The following MEAF6 variants were observed in gnomAD, a reference collection of about 807,000 sequenced individuals.
MEAF6 encodes the protein MYST/Esa1 associated factor 6, also known as chromatin modification-related protein MEAF6.
Under a neutral mutation model 28.9 loss-of-function variants are expected in MEAF6, and 15 were observed. The ratio of observed to expected loss-of-function variants is 0.52; its 90% CI spans 0.35 to 0.80. MEAF6 has a LOEUF of 0.80. Ranked by LOEUF, MEAF6 falls within the 30% of genes least tolerant of loss-of-function variation. The pLI, the probability that MEAF6 is intolerant of heterozygous loss-of-function variation, is 0.01. For missense variants in MEAF6, 178 were observed against 237.5 expected (o/e 0.75, Z 1.65); for synonymous variants, 97 against 88.7 (o/e 1.09, Z -0.53).
At chr1:37,497,227 G>GGTTTGTTT (rs144815094) in intron 5 of MEAF6, among the ~76,000 whole-genome samples, 105 of 151,696 alleles carry the variant, frequency 6.9e-4, no homozygotes, top group African/African-American at 2.4e-3. Flanking sequence ...AAGTTATATG[G>GGTTTGTTT]GTTTGTTTGT....
At chr1:37,509,871 G>C (rs1174681247) in intron 2 of MEAF6, among the ~76,000 whole-genome samples, 2 of 152,066 alleles carry the variant, frequency 1.3e-5, no homozygotes, top group African/African-American at 2.4e-5. Context: ...CTGCCCCTTG[G>C]GTTGAAGCGA....
At chr1:37,504,599 C>T (rs983577895) in intron 4 of MEAF6, among the ~76,000 whole-genome samples, 2 of 151,432 alleles carry the variant, frequency 1.3e-5, no homozygotes, top group East Asian at 4.0e-4. Flanking sequence ...GGTAAGACCC[C>T]ACCTCTACTA....
At chr1:37,502,555 T>C (rs1642347249) in intron 4 of MEAF6, among the ~76,000 whole-genome samples, 1 of 120,808 alleles carries the variant, frequency 8.3e-6, no homozygotes. Context: ...TGTTTTTTCT[T>C]GTTTTTTTTT....
At chr1:37,507,574 AGAAGT>A (rs1642527893) in intron 4 of MEAF6, among the ~76,000 whole-genome samples, 1 of 152,212 alleles carries the variant, frequency 6.6e-6, no homozygotes, top group African/African-American at 2.4e-5. Flanking sequence ...TGAATAAGGG[AGAAGT>A]GAAGTACCAT....
chr1:37,506,003 T>C (rs750098108), intron 4 of MEAF6, among the ~76,000 whole-genome samples: 40 of 152,204 alleles, frequency 2.6e-4, no homozygotes, highest in Non-Finnish European at 5.4e-4. Flanking sequence ...CCGGGCGCAG[T>C]GGCTCAAGCC....
chr1:37,509,265 A>C lies in MEAF6; in HGVS notation c.340+13T>G, dbSNP rs749555548. The stretch of plus-strand genomic sequence containing the variant: ...AAAATAAACTGATGAGAAACATAAA[A>C]ACATCAACTTACTCTTTTCAATGAG... On this transcript the variant is annotated intron_variant, in intron 4 of 6. Coordinates refer to ENST00000296214, the MANE Select transcript of MEAF6 (RefSeq NM_001270875.3). The C allele has an allele frequency of 6.2e-7, 1 of 1,612,816 alleles. No individual in the cohort carries two copies. Among genetic ancestry groups the C allele is most frequent in the Non-Finnish European group, 8.5e-7 (1 of 1,178,884 alleles).
At chr1:37,506,277 A>T (rs1642480078) in intron 4 of MEAF6, among the ~76,000 whole-genome samples, 1 of 152,206 alleles carries the variant, frequency 6.6e-6, no homozygotes. Context: ...TCTCAAAAAA[A>T]AAAAAACTTA....
chr1:37,513,668 T>C (rs2148094492), intron 1 of MEAF6, 130 bp from the exon 2 acceptor site: 1 of 732,974 alleles, frequency 1.4e-6, no homozygotes, highest in East Asian at 2.6e-5. Context: ...TGTGGAGAGA[T>C]GGAAGATACG....
chr1:37,506,838 A>G (rs1642500789), intron 4 of MEAF6, among the ~76,000 whole-genome samples: 1 of 152,182 alleles, frequency 6.6e-6, no homozygotes, highest in Non-Finnish European at 1.5e-5. Context: ...CAAAAGTATG[A>G]GCCAGCCACT....
At chr1:37,497,357 G>T (rs1419436971) in intron 5 of MEAF6, among the ~76,000 whole-genome samples, 2 of 151,928 alleles carry the variant, frequency 1.3e-5, no homozygotes, top group African/African-American at 4.8e-5. Context: ...TCCTGCCTCA[G>T]CCTCCCTCAA....
chr1:37,494,155 T>C (rs1642034455), intron 6 of MEAF6, 48 bp from the exon 7 acceptor site: 1 of 1,537,318 alleles, frequency 6.5e-7, no homozygotes, highest in Non-Finnish European at 8.9e-7. Context: ...GCAGAACAGT[T>C]GTTTGACCCT....
intron 6 of MEAF6, among the ~76,000 whole-genome samples, chr1:37,495,642 T>C (rs1642095041): frequency 8.1e-6 from 1 of 124,198 alleles, no homozygotes; most frequent in Non-Finnish European, 1.6e-5. Context: ...ACTGTGATGA[T>C]ACTGCACTCT....
intron 2 of MEAF6, among the ~76,000 whole-genome samples, chr1:37,510,236 C>T (rs532687786): frequency 6.6e-6 from 1 of 151,800 alleles, no homozygotes; most frequent in South Asian, 2.1e-4. Flanking sequence ...TGCCACCACA[C>T]CCAGCTAATT....
intron 5 of MEAF6, among the ~76,000 whole-genome samples, chr1:37,497,491 T>C (rs568588430): frequency 1.3e-5 from 2 of 152,344 alleles, no homozygotes; most frequent in African/African-American, 4.8e-5. Context: ...TGAAGAACAG[T>C]ATTGCTCTGC....
chr1:37,496,796 T>C, intron 5 of MEAF6: 2 of 1,533,204 alleles, frequency 1.3e-6, no homozygotes, highest in Non-Finnish European at 1.8e-6. Context: ...ATTGAATAAA[T>C]TAGTCGATTA....
At chr1:37,496,163 A>T (rs1378764636) in intron 5 of MEAF6, among the ~76,000 whole-genome samples, 1 of 152,254 alleles carries the variant, frequency 6.6e-6, no homozygotes. Context: ...TGTATACAGC[A>T]GCTACAAAAG....
chr1:37,500,100 A>G (rs1642249687), intron 5 of MEAF6, among the ~76,000 whole-genome samples: 1 of 152,200 alleles, frequency 6.6e-6, no homozygotes, highest in Non-Finnish European at 1.5e-5. Flanking sequence ...TGAGGCCAGT[A>G]GTTCACACCA....
intron 4 of MEAF6, among the ~76,000 whole-genome samples, chr1:37,507,683 G>A (rs1027851158): frequency 7.9e-5 from 12 of 152,028 alleles, no homozygotes; most frequent in African/African-American, 2.9e-4. Flanking sequence ...ATGTCTAGAA[G>A]GAAATGCAGG....
intron 5 of MEAF6, 38 bp from the exon 6 acceptor site, chr1:37,495,956 T>C (rs763284092): frequency 2.5e-6 from 4 of 1,576,668 alleles, no homozygotes; most frequent in South Asian, 2.2e-5. Context: ...CCATTTTAAT[T>C]TACAGAAAAT....
Sources: allele counts gnomAD v4.1 joint callset (sites outside exome capture counted in the v4.1 genomes callset), GRCh38; gene constraint gnomAD v4.1.1; transcripts MANE v1.5; gene names NCBI Gene and HGNC (gene_info 2026-07-23, HGNC 2026-07-21).